ANAPC5: variants seen among roughly 807,000 people sequenced by gnomAD.
ANAPC5 encodes anaphase promoting complex subunit 5.
ANAPC5 carries 60 observed loss-of-function variants against 91.3 expected under a neutral mutation model. That is an observed-to-expected ratio of 0.66 (90% confidence interval 0.53 to 0.81). ANAPC5 has a LOEUF of 0.81. ANAPC5 is among the 40% of genes least tolerant of loss of function. ANAPC5 has a pLI of 0.00. For missense variants in ANAPC5, 690 were observed against 931.5 expected, an observed-to-expected ratio of 0.74 and a Z score of 3.37; for synonymous variants, 340 against 364.1, an observed-to-expected ratio of 0.93 and a Z score of 0.75.
intron 2 of ANAPC5, 87 bp from the exon 3 acceptor site, chr12:121,347,092 G>C (rs1903697215): frequency 6.9e-6 from 5 of 723,560 alleles, no homozygotes; most frequent in Non-Finnish European, 1.1e-5. Context: ...CTCAAATAAT[G>C]TATTTTACAG....
intron 8 of ANAPC5, 122 bp from the exon 9 acceptor site, chr12:121,330,794 T>G: frequency 7.0e-6 from 5 of 716,552 alleles, no homozygotes; most frequent in Non-Finnish European, 1.2e-5. Context: ...CAAATACTCT[T>G]TCAAGAAATA....
intron 4 of ANAPC5, among the ~76,000 whole-genome samples, chr12:121,344,693 C>T (rs1903596356): frequency 6.6e-6 from 1 of 151,922 alleles, no homozygotes; most frequent in Admixed American, 6.6e-5. Flanking sequence ...TGAAAGGGAG[C>T]ACATGAGGTG....
chr12:121,335,898 A>AT (rs1405975685), intron 6 of ANAPC5, among the ~76,000 whole-genome samples, 175 bp from the exon 7 acceptor site: 1 of 152,212 alleles, frequency 6.6e-6, no homozygotes, highest in Non-Finnish European at 1.5e-5. Context: ...TTCAAGACAC[A>AT]TTCCCCCTAG....
chr12:121,321,217 C>G (rs557623945), intron 11 of ANAPC5: 1 of 151,440 alleles, frequency 6.6e-6, no homozygotes, highest in Non-Finnish European at 1.5e-5. Flanking sequence ...CCATTGCACT[C>G]CAGCCTAGGC....
At chr12:121,338,873 C>T (rs1188426373) in intron 5 of ANAPC5, among the ~76,000 whole-genome samples, 2 of 151,540 alleles carry the variant, frequency 1.3e-5, no homozygotes, top group East Asian at 3.9e-4. Flanking sequence ...ATTGTGTATA[C>T]ATTACATTTT....
At chr12:121,345,045 T>C (rs1173896898) in intron 4 of ANAPC5, among the ~76,000 whole-genome samples, 1 of 152,066 alleles carries the variant, frequency 6.6e-6, no homozygotes, top group African/African-American at 2.4e-5. Flanking sequence ...GTAGATTTGG[T>C]AGAGATTGGG....
chr12:121,353,186 A>G (rs182505444), upstream of ANAPC5, among the ~76,000 whole-genome samples: 106 of 152,238 alleles, frequency 7.0e-4, no homozygotes, highest in African/African-American at 2.5e-3. Context: ...TCAGTTTCCT[A>G]CCTAATAAAC....
chr12:121,308,417 G>A lies in ANAPC5; in HGVS notation c.*63C>T. 1 of 1,291,660 alleles carries A rather than the reference G, an allele frequency of 7.7e-7. No homozygotes were observed. The highest frequency in any genetic ancestry group is 1.1e-6 in the Non-Finnish European group (1 of 894,038). 80.0% of individuals were successfully genotyped at this position (1,291,660 alleles called of 1,614,324 possible). A position where few individuals can be genotyped will look rare whatever the true frequency, so the allele number is the denominator to read the frequency against. ...CACAAATACATCATTTATAGGGAGA[G>A]AGGGGACATGAACAAGTCCAAAATC... On this transcript the variant is annotated 3_prime_UTR_variant, in exon 17 of 17. Transcript: ENST00000261819.
chr12:121,318,950 G>A (rs12368808), intron 13 of ANAPC5, among the ~76,000 whole-genome samples: 82 of 152,226 alleles, frequency 5.4e-4, no homozygotes, highest in Non-Finnish European at 9.4e-4. Flanking sequence ...AACCCAGGAG[G>A]CAGAGATTGC....
In ANAPC5 at chr12:121,330,565, C is replaced by T. The variant is rs1903006029; in HGVS notation, c.1122+18G>A. 1 of 1,606,166 alleles carries T rather than the reference C, an allele frequency of 6.2e-7. No homozygotes were observed. The highest frequency in any genetic ancestry group is 1.3e-5 in the African/African-American group (1 of 74,760). On this transcript the variant is annotated intron_variant, in intron 9 of 16. Transcript: ENST00000261819. ...TCGACCATTTATGGAAACAATCTCA[C>T]AGAAAGATGAGCCTTACCGGTAACC...
upstream of ANAPC5, chr12:121,352,549 G>A (rs529957195): frequency 2.1e-5 from 11 of 534,606 alleles, no homozygotes; most frequent in East Asian, 1.8e-4. Flanking sequence ...AAGAGTGCGG[G>A]GAGGGGTGCA....
At chr12:121,311,194 A>T (rs867527356) in intron 15 of ANAPC5, among the ~76,000 whole-genome samples, 3 of 151,684 alleles carry the variant, frequency 2.0e-5, no homozygotes, top group South Asian at 4.2e-4. Context: ...CAGGAGTTCA[A>T]GGTTACAGTG....
chr12:121,345,666 C>G (rs1376944178), intron 4 of ANAPC5, among the ~76,000 whole-genome samples, 173 bp downstream of exon 4: 1 of 152,090 alleles, frequency 6.6e-6, no homozygotes, highest in Non-Finnish European at 1.5e-5. Flanking sequence ...TGGCCAATCA[C>G]AAGTCAGAGG....
intron 15 of ANAPC5, chr12:121,310,243 T>TA (rs948489146): frequency 1.1e-3 from 118 of 110,062 alleles, no homozygotes; most frequent in South Asian, 1.7e-3. Context: ...TTAGTATGTT[T>TA]AAAAAAAAAA....
intron 8 of ANAPC5, chr12:121,331,040 G>A (rs782769195): frequency 5.1e-6 from 2 of 394,560 alleles, no homozygotes; most frequent in Non-Finnish European, 9.3e-6. Flanking sequence ...ATCTCACCCA[G>A]TTACTAAGTG....
intron 8 of ANAPC5, chr12:121,330,932 C>T (rs1903019682): frequency 6.6e-6 from 3 of 456,066 alleles, no homozygotes; most frequent in East Asian, 4.2e-5. Context: ...AAGCATGAAG[C>T]TCCCATATGG....
chr12:121,341,406 G>A (rs137972372), intron 5 of ANAPC5, among the ~76,000 whole-genome samples: 18 of 152,224 alleles, frequency 1.2e-4, no homozygotes, highest in Non-Finnish European at 1.5e-4. Context: ...GGAGGCAGAG[G>A]TAGCAGGGAC....
intron 11 of ANAPC5, chr12:121,320,703 C>T (rs1407470378): frequency 2.8e-5 from 8 of 282,260 alleles, no homozygotes; most frequent in African/African-American, 6.5e-5. Flanking sequence ...CCCGGGTTCA[C>T]GCCATTCTCC....
intron 7 of ANAPC5, chr12:121,333,471 T>C (rs1009677718): frequency 2.6e-5 from 4 of 152,046 alleles, no homozygotes; most frequent in Non-Finnish European, 4.4e-5. Flanking sequence ...TTTGAGTACA[T>C]AAAAAAAGAA....
Sources: allele counts gnomAD v4.1 joint callset (sites outside exome capture counted in the v4.1 genomes callset), GRCh38; gene constraint gnomAD v4.1.1; transcripts MANE v1.5; gene names NCBI Gene and HGNC (gene_info 2026-07-23, HGNC 2026-07-21).